Variants in PRR12 observed in about 807,000 individuals in gnomAD.
PRR12 encodes proline rich 12.
Under a neutral mutation model 138.0 loss-of-function variants are expected in PRR12, and 12 were observed. The observed-to-expected ratio is 0.09, with a 90% CI of 0.06 to 0.14. The LOEUF (loss-of-function observed/expected upper bound fraction) is 0.14, where lower values mean the gene tolerates loss of function less well. Ranked by LOEUF, PRR12 falls within the 10% of genes least tolerant of loss-of-function variation. The pLI, the probability that PRR12 is intolerant of heterozygous loss-of-function variation, is 1.00. For synonymous variants in PRR12, 1,567 were observed against 1,291.7 expected (o/e 1.21, Z -4.57); for missense variants, 2,692 against 2,861.3 (o/e 0.94, Z 1.35).
rs1235016819 is a variant in PRR12 at position 49,615,472 on chromosome 19, TAGAGACCCAGAGAGGGAGGGGGTC to T, written c.5025-222_5025-199del. 8.5e-4 allele frequency among the ~76,000 whole-genome samples: 80 copies of T among 93,974 alleles called. 1 individual carries two copies. Among genetic ancestry groups the T allele is most frequent in the African/African-American group, 1.8e-3 (37 of 20,852 alleles). 61.7% of individuals were successfully genotyped at this position (93,974 alleles called of 152,430 possible). ...ATAGAGACCCAGAGAGGGAGGGGAA[TAGAGACCCAGAGAGGGAGGGGGTC>T]AGAGACCCAGAGAGGGAGGGGGTCA... On this transcript the variant is annotated intron_variant, in intron 8 of 13. Transcript: ENST00000418929.
chr19:49,595,789 GC>G lies in PRR12; in HGVS notation c.1460del (p.Pro487LeufsTer104). 6.3e-7 allele frequency: 1 copy of G among 1,598,364 alleles called. No individual in the cohort carries two copies. The highest frequency in any genetic ancestry group is 8.5e-7 in the Non-Finnish European group (1 of 1,174,124). ...YSGGPPQPPS[G>X]PPPPGLATCQ... ...GGGGGCCCCCCACAGCCCCCCAGCG[GC>G]CCCCCTCCTCCTGGCCTGGCCACAT... On this transcript the variant is annotated frameshift_variant, in exon 4 of 14. Coordinates refer to ENST00000418929, the MANE Select transcript of PRR12 (RefSeq NM_020719.3). LOFTEE classifies it high-confidence loss of function.
rs769995946 is a variant in PRR12, at chr19:49,625,649, G to A, written c.*42G>A. 10 of 1,562,112 alleles carry A rather than the reference G, an allele frequency of 6.4e-6. No individual in the cohort carries two copies. The highest frequency in any genetic ancestry group is 1.2e-5 in the South Asian group (1 of 84,898). On this transcript the variant is annotated 3_prime_UTR_variant, in exon 14 of 14. Coordinates refer to ENST00000418929, the MANE Select transcript of PRR12 (RefSeq NM_020719.3). The surrounding 1 kb of genome is among the most constrained non-coding windows in gnomAD (Gnocchi z 5.5). Reference sequence around the variant, plus strand: ...GAGGGGGGCGCCTCCTCCATGAACCGAGAATTGGGACAGAACCGTGTCCTC... The same window carrying A: ...GAGGGGGGCGCCTCCTCCATGAACCAAGAATTGGGACAGAACCGTGTCCTC...
In PRR12 at chr19:49,601,929, G is replaced by C; in HGVS notation, c.4773+11G>C. 6.2e-7 allele frequency: 1 copy of C among 1,608,476 alleles called. No homozygotes were observed. Reference sequence around the variant, plus strand: ...ATCCCTTCCCTCAAGGTGAGTCCCAGCCTTCTCCAGAAACTGGGCCTGATG... The same window carrying C: ...ATCCCTTCCCTCAAGGTGAGTCCCACCCTTCTCCAGAAACTGGGCCTGATG... On this transcript the variant is annotated intron_variant, in intron 6 of 13. Transcript: ENST00000418929.
chr19:49,606,431 C>T (rs2080838445), intron 6 of PRR12, among the ~76,000 whole-genome samples: 1 of 151,662 alleles, frequency 6.6e-6, no homozygotes, highest in Admixed American at 6.6e-5. Context: ...TCTGCCTCAG[C>T]CTCCTGAGTA....
chr19:49,606,463 C>T (rs752480771), intron 6 of PRR12, among the ~76,000 whole-genome samples: 1 of 151,574 alleles, frequency 6.6e-6, no homozygotes, highest in Non-Finnish European at 1.5e-5. Context: ...AGGCGCGTGC[C>T]ACCACGTCAG....
chr19:49,612,499 G>A (rs982264739), intron 6 of PRR12, among the ~76,000 whole-genome samples: 1 of 152,034 alleles, frequency 6.6e-6, no homozygotes, highest in Non-Finnish European at 1.5e-5. Context: ...AGGAAAAGTG[G>A]TTTGATGGAA....
rs192251449 is a variant in PRR12 at position 49,615,317 on chromosome 19, A to C, written c.5024+308A>C. Among the ~76,000 whole-genome samples, 152 of 150,954 alleles carry C rather than the reference A, an allele frequency of 1.0e-3. 1 individual carries two copies. Among genetic ancestry groups the C allele is most frequent in the Non-Finnish European group, 1.8e-3 (120 of 67,696 alleles). On this transcript the variant is annotated intron_variant, in intron 8 of 13. Transcript: ENST00000418929. Reference sequence around the variant, plus strand: ...TCAGAAGGAGACAGAGACCCAGAGAAAAAGAGGGACAGAGATGGGGGAGGA... The same window carrying C: ...TCAGAAGGAGACAGAGACCCAGAGACAAAGAGGGACAGAGATGGGGGAGGA...
chr19:49,607,777 G>C (rs2080846343), intron 6 of PRR12, among the ~76,000 whole-genome samples: 1 of 151,892 alleles, frequency 6.6e-6, no homozygotes, highest in Non-Finnish European at 1.5e-5. Flanking sequence ...GCAGCACTTT[G>C]GGAGGCTAAA....
rs1314891006 is a variant in PRR12, at chr19:49,614,356, C to CTCACAAAAACA, written c.4774-177_4774-176insTCACAAAAACA. On this transcript the variant is annotated intron_variant, in intron 6 of 13. Transcript: ENST00000418929. This position sits in a 1 kb window ranked among gnomAD's most constrained non-coding sequence, Gnocchi z 5.0. ...CTGGGTGGGCAGGAGGCGACAGGGT[C>CTCACAAAAACA]AAGTTCAAGCTGTACACAGAGCTGA... 6.6e-6 allele frequency among the ~76,000 whole-genome samples: 1 copy of CTCACAAAAACA among 152,160 alleles called. No individual in the cohort carries two copies. The highest frequency in any genetic ancestry group is 1.5e-5 in the Non-Finnish European group (1 of 68,046).
Position 49,594,855 on chromosome 19 carries a change from C to A in PRR12, c.520C>A (p.Pro174Thr). 6.2e-7 allele frequency: 1 copy of A among 1,611,524 alleles called. No homozygotes were observed. The highest frequency in any genetic ancestry group is 8.5e-7 in the Non-Finnish European group (1 of 1,179,096). Residue 174 changes from proline (P) to threonine (T), a missense_variant, in exon 4 of 14, where the codon CCA becomes ACA. Physicochemically the swap from Pro to Thr is conservative, Grantham distance 38 (BLOSUM62 -1). Coordinates refer to ENST00000418929, the MANE Select transcript of PRR12 (RefSeq NM_020719.3). The surrounding 1 kb of genome is among the most constrained non-coding windows in gnomAD (Gnocchi z 5.6). ...CTCGTCCCTCAGCCTCCAGGACCCC[C>A]CATTCAGCCCTCCAGCTAACGGGCT... The part of the protein sequence containing the change: ...VPSSLSLQDP[P>T]FSPPANGLLS...
At chr19:49,593,700 C>T (rs530454740) in intron 2 of PRR12, among the ~76,000 whole-genome samples, 1 of 152,268 alleles carries the variant, frequency 6.6e-6, no homozygotes, top group African/African-American at 2.4e-5. Context: ...CCCACCTTCT[C>T]TTCCAGGCTT....
At position 49,596,781 on chromosome 19, in the gene PRR12, G is replaced by A. The variant is rs200922630; in HGVS notation, c.2446G>A (p.Ala816Thr). 1.3e-4 allele frequency: 206 copies of A among 1,600,396 alleles called. 1 individual carries two copies. The East Asian group carries it at 3.9e-3, about 30-fold the overall frequency. ...LSHAPSPSPS[A>T]SKVGVHLLEP... ...CCATGCCCCCAGTCCCTCTCCCAGC[G>A]CCTCCAAAGTCGGCGTCCACCTCCT... Residue 816 changes from alanine to threonine, a missense_variant, in exon 4 of 14, where the codon GCC becomes ACC. Coordinates refer to ENST00000418929, the MANE Select transcript of PRR12 (RefSeq NM_020719.3). This position sits in a 1 kb window ranked among gnomAD's most constrained non-coding sequence, Gnocchi z 5.6.
chr19:49,593,311 TCC>T lies in PRR12; in HGVS notation c.87-13_87-12del. 1 of 1,372,384 alleles carries T rather than the reference TCC, an allele frequency of 7.3e-7. No individual in the cohort carries two copies. Among genetic ancestry groups the T allele is most frequent in the Non-Finnish European group, 1.0e-6 (1 of 976,314 alleles). 85.0% of individuals were successfully genotyped at this position (1,372,384 alleles called of 1,614,324 possible). A position where few individuals can be genotyped will look rare whatever the true frequency, so the allele number is the denominator to read the frequency against. The stretch of plus-strand genomic sequence containing the variant: ...CAGCTTGGAAGAACCCCCTGACGTC[TCC>T]CCTTTCCCCCCAGCTTGGTTTATGG... On this transcript the variant is annotated splice_polypyrimidine_tract_variant and intron_variant, in intron 1 of 13. Coordinates refer to ENST00000418929, the MANE Select transcript of PRR12 (RefSeq NM_020719.3).
At chr19:49,606,521 C>G (rs2080838938) in intron 6 of PRR12, among the ~76,000 whole-genome samples, 1 of 148,500 alleles carries the variant, frequency 6.7e-6, no homozygotes, top group Non-Finnish European at 1.5e-5. Flanking sequence ...TCAGGCTGGT[C>G]TCGAACTCCT....
At chr19:49,603,149 C>T (rs1396315407) in intron 6 of PRR12, among the ~76,000 whole-genome samples, 1 of 152,236 alleles carries the variant, frequency 6.6e-6, no homozygotes, top group Non-Finnish European at 1.5e-5. Context: ...CTCTACTGTA[C>T]TGGGTTCACT....
Position 49,597,696 on chromosome 19 carries a change from T to C in PRR12, c.3361T>C (p.Leu1121=), listed in dbSNP as rs767614745. Residue 1121 remains leucine, a synonymous_variant, in exon 4 of 14, where the codon TTG becomes CTG. Coordinates refer to ENST00000418929, the MANE Select transcript of PRR12 (RefSeq NM_020719.3). This position sits in a 1 kb window ranked among gnomAD's most constrained non-coding sequence, Gnocchi z 6.3. ...PADIRLNPRR[L]PDLVSSCRSR... is the part of the protein sequence containing the mutation. ...CGACATCCGCCTCAACCCCCGGCGC[T>C]TGCCTGACCTGGTCTCCAGCTGCCG... is the stretch of plus-strand genomic sequence containing the variant. 14 of 1,606,570 alleles carry C rather than the reference T, an allele frequency of 8.7e-6. 1 individual carries two copies. The highest frequency in any genetic ancestry group is 1.7e-4 in the Middle Eastern group (1 of 6,056).
chr19:49,612,124 G>T (rs796989280), intron 6 of PRR12, among the ~76,000 whole-genome samples: 2 of 151,404 alleles, frequency 1.3e-5, no homozygotes, highest in Admixed American at 6.6e-5. Flanking sequence ...CCAGCTATTC[G>T]GGAGGCTGAG....
intron 6 of PRR12, 102 bp downstream of exon 6, chr19:49,602,020 G>C: frequency 7.0e-7 from 1 of 1,420,330 alleles, no homozygotes; most frequent in South Asian, 1.3e-5. Flanking sequence ...TGCAGATCCA[G>C]TCGTGGCCGG....
At position 49,625,424 on chromosome 19, in the gene PRR12, G is replaced by T; in HGVS notation, c.5965-37G>T. ...GCCCCTTCCCTCCCCAGAGGCCGGT[G>T]TGCCACCCTCCCCAGTGCCATGTTT... On this transcript the variant is annotated intron_variant, in intron 13 of 13. Coordinates refer to ENST00000418929, the MANE Select transcript of PRR12 (RefSeq NM_020719.3). This position sits in a 1 kb window ranked among gnomAD's most constrained non-coding sequence, Gnocchi z 5.5. 6.4e-7 allele frequency: 1 copy of T among 1,562,808 alleles called. No individual in the cohort carries two copies. The highest frequency in any genetic ancestry group is 2.3e-5 in the East Asian group (1 of 43,562).
Sources: gnomAD v4.1 joint callset for allele counts (sites outside exome capture counted in the v4.1 genomes callset) on GRCh38, gnomAD v4.1.1 for gene constraint, Gnocchi (gnomAD v3.1) non-coding constraint, MANE v1.5 for transcripts, NCBI Gene and HGNC (gene_info 2026-07-23, HGNC 2026-07-21) for gene names.